TRPM5: variants seen among roughly 807,000 people sequenced by gnomAD.
TRPM5 encodes MLSN1 and TRP-related.
A neutral mutation model predicts 124.9 loss-of-function variants in TRPM5; 121 were observed. The ratio of observed to expected loss-of-function variants is 0.97; its 90% CI spans 0.84 to 1.13. TRPM5 has a LOEUF of 1.13. Among genes scored for constraint, TRPM5 ranks in the 50% most tolerant of loss-of-function variants. The pLI is 0.00. For synonymous variants in TRPM5, 781 were observed against 700.5 expected (o/e 1.11, Z -1.81); for missense variants, 1,643 against 1,589.1 (o/e 1.03, Z -0.58).
the TRPM5 span, among the ~76,000 whole-genome samples, chr11:2,432,029 G>C: frequency 6.6e-6 from 1 of 152,210 alleles, no homozygotes; most frequent in Non-Finnish European, 1.5e-5. Context: ...TCAAGGCAGA[G>C]ACGGAGGTGT....
exon 21 of TRPM5, chr11:2,406,774 G>A (rs985718927): frequency 6.2e-7 from 1 of 1,612,860 alleles, no homozygotes. Flanking sequence ...TCTGGTCCAG[G>A]GGGTCTGGCA....
intron 14 of TRPM5, 38 bp downstream of exon 19, chr11:2,413,096 C>G (rs1383215028): frequency 1.3e-6 from 2 of 1,547,868 alleles, no homozygotes; most frequent in South Asian, 2.4e-5. Flanking sequence ...CCACCACCCG[C>G]CAGTCCCCTC....
At chr11:2,417,875 G>T in intron 6 of TRPM5, 46 bp from the exon 12 acceptor site, 1 of 1,508,896 alleles carries the variant, frequency 6.6e-7, no homozygotes, top group Non-Finnish European at 9.0e-7. Context: ...CAGCCAGGAC[G>T]GGGGCAGAGG....
intron 8 of TRPM5, among the ~76,000 whole-genome samples, 156 bp from the exon 14 acceptor site, chr11:2,415,627 C>T (rs1845658306): frequency 6.6e-6 from 1 of 152,144 alleles, no homozygotes; most frequent in African/African-American, 2.4e-5. Context: ...CAGCCTGCCC[C>T]CTGCATTGGG....
chr11:2,419,998 T>A (rs931504153), intron 4 of TRPM5, among the ~76,000 whole-genome samples: 3 of 152,102 alleles, frequency 2.0e-5, no homozygotes, highest in African/African-American at 4.8e-5. Context: ...AGCCACTCTG[T>A]CCAGCTGTGC....
chr11:2,432,769 G>A, the TRPM5 span, among the ~76,000 whole-genome samples: 2 of 152,236 alleles, frequency 1.3e-5, no homozygotes, highest in Admixed American at 1.3e-4. Context: ...TGTGGTGGGC[G>A]CCCCCAACCC....
the TRPM5 span, among the ~76,000 whole-genome samples, chr11:2,436,906 G>A: frequency 1.2e-4 from 18 of 152,204 alleles, no homozygotes; most frequent in Admixed American, 6.5e-4. Context: ...GAAGCACCCC[G>A]CTCGCCCACC....
At chr11:2,405,681 A>T in intron 22 of TRPM5, 88 bp from the exon 28 acceptor site, 1 of 1,410,764 alleles carries the variant, frequency 7.1e-7, no homozygotes, top group Non-Finnish European at 9.7e-7. Context: ...CTCTCCTGCC[A>T]GGGCCCCCGC....
chr11:2,407,166 A>C, exon 20 of TRPM5: 1 of 1,610,810 alleles, frequency 6.2e-7, no homozygotes, highest in East Asian at 2.2e-5. Flanking sequence ...GACCCGGCGG[A>C]GCGTCAGGCT....
chr11:2,418,200 G>T (rs1184515027), exon 6 of TRPM5: 14 of 1,583,520 alleles, frequency 8.8e-6, no homozygotes, highest in Non-Finnish European at 1.1e-5. Flanking sequence ...CCTCCCAAGA[G>T]AAATGCTTGC....
chr11:2,414,325 G>T (rs992864731), intron 11 of TRPM5, 119 bp from the exon 17 acceptor site: 13 of 1,387,670 alleles, frequency 9.4e-6, no homozygotes, highest in African/African-American at 1.4e-5. Context: ...CGTTCAACAC[G>T]CAGGGCCCAG....
At chr11:2,412,707 C>T (rs765784014) in intron 15 of TRPM5, 47 bp downstream of exon 20, 4 of 1,522,602 alleles carry the variant, frequency 2.6e-6, no homozygotes, top group Non-Finnish European at 1.8e-6. Context: ...GGTTGCCCAA[C>T]CTGAAGCTGC....
chr11:2,410,261 C>T (rs1850418607), intron 18 of TRPM5, among the ~76,000 whole-genome samples: 1 of 152,232 alleles, frequency 6.6e-6, no homozygotes, highest in Non-Finnish European at 1.5e-5. Context: ...GTCGCCCCCG[C>T]CTGTCCCCGG....
intron 12 of TRPM5, 52 bp downstream of exon 17, chr11:2,414,009 G>GGCCGCCCCCC: frequency 2.0e-6 from 2 of 1,023,734 alleles, no homozygotes; most frequent in East Asian, 2.8e-5. Context: ...GGCCCAGCTC[G>GGCCGCCCCCC]CCCGCCCACC....
chr11:2,427,578 C>T (rs1302245232), upstream of TRPM5, among the ~76,000 whole-genome samples: 6 of 152,260 alleles, frequency 3.9e-5, no homozygotes, highest in African/African-American at 1.4e-4. Context: ...CACCCAGACA[C>T]CAAGGGCTGG....
the TRPM5 span, among the ~76,000 whole-genome samples, chr11:2,441,869 A>T: frequency 8.6e-5 from 13 of 151,940 alleles, no homozygotes; most frequent in Non-Finnish European, 1.5e-4. The surrounding 1 kb of genome is among the most constrained non-coding windows in gnomAD (Gnocchi z 7.2). Flanking sequence ...TTGGATTTTC[A>T]GTAGAGGCGG....
At chr11:2,412,319 G>A in intron 15 of TRPM5, 66 bp from the exon 21 acceptor site, 1 of 974,366 alleles carries the variant, frequency 1.0e-6, no homozygotes, top group Non-Finnish European at 1.5e-6. Flanking sequence ...AGCCCTACCT[G>A]GACAAGCTTG....
intron 8 of TRPM5, 129 bp from the exon 14 acceptor site, chr11:2,415,600 C>G: frequency 2.9e-6 from 2 of 693,738 alleles, no homozygotes; most frequent in South Asian, 3.8e-5. Flanking sequence ...CGCAGACCCT[C>G]TCGCTCTCCT....
intron 18 of TRPM5, among the ~76,000 whole-genome samples, chr11:2,410,458 T>C (rs1244745013): frequency 2.0e-5 from 3 of 152,060 alleles, no homozygotes; most frequent in Non-Finnish European, 4.4e-5. Context: ...CTGCCGGGTC[T>C]CCAAGTCTGC....
Sources: allele counts gnomAD v4.1 joint callset (sites outside exome capture counted in the v4.1 genomes callset), GRCh38; gene constraint gnomAD v4.1.1; non-coding constraint Gnocchi (gnomAD v3.1); transcripts MANE v1.5; gene names NCBI Gene and HGNC (gene_info 2026-07-23, HGNC 2026-07-21).